Variants in BMPR1B observed in about 807,000 individuals in gnomAD.
The protein encoded by BMPR1B is bone morphogenetic protein receptor type-1B.
In BMPR1B, 12 loss-of-function variants were observed where a neutral mutation model predicts 59.1. That is an observed-to-expected ratio of 0.20 (90% confidence interval 0.13 to 0.33). The LOEUF is 0.33. Among genes scored for constraint, BMPR1B ranks in the 10% least tolerant of loss-of-function variants. BMPR1B has a pLI of 1.00. For missense variants in BMPR1B, 550 were observed against 610.9 expected (o/e 0.90, Z 1.05); for synonymous variants, 237 against 207.3 (o/e 1.14, Z -1.23).
chr4:94,910,124 C>T (rs1414449361), intron 2 of BMPR1B, among the ~76,000 whole-genome samples: 1 of 152,040 alleles, frequency 6.6e-6, no homozygotes, highest in Non-Finnish European at 1.5e-5. Context: ...TGAAGGCTAG[C>T]ACTGGAGCCT....
intron 6 of BMPR1B, among the ~76,000 whole-genome samples, chr4:95,120,701 TTCTCTCTC>T (rs747281517): frequency 2.1e-5 from 3 of 146,032 alleles, no homozygotes; most frequent in Admixed American, 6.8e-5. Flanking sequence ...CTTTCTCTCT[TTCTCTCTC>T]TCTCTCTTTC....
chr4:95,026,101 T>TCTTTCTTTC (rs1724349927), intron 3 of BMPR1B, among the ~76,000 whole-genome samples: 12 of 118,884 alleles, frequency 1.0e-4, no homozygotes, highest in Non-Finnish European at 1.7e-4. Context: ...TTCTTTCATT[T>TCTTTCTTTC]CTTTCTTTCT....
chr4:94,849,810 G>T (rs1290204629), intron 1 of BMPR1B, among the ~76,000 whole-genome samples: 2 of 152,046 alleles, frequency 1.3e-5, no homozygotes, highest in East Asian at 3.9e-4. Flanking sequence ...GTGTGTGTGT[G>T]TGTGTGTGTG....
chr4:95,113,547 G>C (rs1338821830), intron 4 of BMPR1B, among the ~76,000 whole-genome samples: 1 of 152,088 alleles, frequency 6.6e-6, no homozygotes. Flanking sequence ...TGCCATATCT[G>C]TCTTGGACGC....
chr4:94,890,194 A>G (rs1331871597), intron 2 of BMPR1B, among the ~76,000 whole-genome samples: 1 of 152,086 alleles, frequency 6.6e-6, no homozygotes, highest in Non-Finnish European at 1.5e-5. Context: ...GAAGCCTGCT[A>G]GAGGCTTGGA....
intron 3 of BMPR1B, among the ~76,000 whole-genome samples, chr4:95,044,351 G>C (rs1725881426): frequency 6.6e-6 from 1 of 152,166 alleles, no homozygotes; most frequent in East Asian, 1.9e-4. Flanking sequence ...AGTTTGGCAG[G>C]CTCCATGCTG....
chr4:95,002,979 T>A (rs2149111519), intron 3 of BMPR1B, among the ~76,000 whole-genome samples: 1 of 152,110 alleles, frequency 6.6e-6, no homozygotes, highest in African/African-American at 2.4e-5. Flanking sequence ...TTTTCTGGTT[T>A]AGAATGTTCC....
intron 3 of BMPR1B, among the ~76,000 whole-genome samples, chr4:95,075,238 T>G (rs1728614166): frequency 6.6e-6 from 1 of 152,180 alleles, no homozygotes; most frequent in African/African-American, 2.4e-5. Context: ...CACCATCTGT[T>G]CTTCTCAGAG....
intron 10 of BMPR1B, among the ~76,000 whole-genome samples, chr4:95,136,478 A>G (rs1333887781): frequency 6.6e-6 from 1 of 152,202 alleles, no homozygotes; most frequent in African/African-American, 2.4e-5. Context: ...TAGTTTCAGA[A>G]GGCATGGTAC....
At chr4:94,827,504 A>G (rs1335627623) in intron 1 of BMPR1B, among the ~76,000 whole-genome samples, 2 of 152,204 alleles carry the variant, frequency 1.3e-5, no homozygotes, top group East Asian at 1.9e-4. Flanking sequence ...TAAGTATGGA[A>G]TATCTCTAGT....
chr4:94,797,835 G>A (rs185135787), intron 1 of BMPR1B, among the ~76,000 whole-genome samples: 42 of 152,274 alleles, frequency 2.8e-4, no homozygotes, highest in African/African-American at 9.4e-4. Context: ...ATGGGCTAAA[G>A]AATTAGATTG....
intron 6 of BMPR1B, among the ~76,000 whole-genome samples, chr4:95,122,312 G>A (rs1304236497): frequency 1.3e-5 from 2 of 151,174 alleles, no homozygotes; most frequent in East Asian, 1.9e-4. Context: ...CTCCAGCCTC[G>A]GCCACAGAGG....
intron 3 of BMPR1B, among the ~76,000 whole-genome samples, chr4:95,083,290 T>A (rs1729314479): frequency 6.6e-6 from 1 of 152,102 alleles, no homozygotes; most frequent in Non-Finnish European, 1.5e-5. Context: ...GAACTGTCCT[T>A]ATCTGTTCCA....
intron 1 of BMPR1B, among the ~76,000 whole-genome samples, chr4:94,804,620 A>G (rs1376757564): frequency 8.6e-6 from 1 of 116,014 alleles, no homozygotes; most frequent in Non-Finnish European, 1.7e-5. Flanking sequence ...GCCAAGGACC[A>G]TTACCAGGCT....
intron 2 of BMPR1B, among the ~76,000 whole-genome samples, chr4:94,896,529 G>A (rs1346706611): frequency 6.6e-6 from 1 of 151,834 alleles, no homozygotes; most frequent in Non-Finnish European, 1.5e-5. Flanking sequence ...AACTTCTCAA[G>A]CTCAAAACAG....
In BMPR1B at chr4:95,081,056, T is replaced by C. The variant is rs186385342; in HGVS notation, c.-17-23352T>C. On this transcript the variant is annotated intron_variant, in intron 3 of 12. Transcript: ENST00000515059. Reference sequence around the variant, plus strand: ...TGAATAATGGGTGTGGTGATGTTCATGCTGTTCTTGTGATAGTGAGTTCTC... The same window carrying C: ...TGAATAATGGGTGTGGTGATGTTCACGCTGTTCTTGTGATAGTGAGTTCTC... Among the ~76,000 whole-genome samples, 832 of 152,280 alleles carry C rather than the reference T, an allele frequency of 5.5e-3. 10 individuals carry two copies. Among genetic ancestry groups the C allele is most frequent in the African/African-American group, 0.019 (802 of 41,576 alleles).
rs145238279 is a variant in BMPR1B at position 94,826,351 on chromosome 4, A to G, written c.-182-49480A>G. On this transcript the variant is annotated intron_variant, in intron 1 of 12. Transcript: ENST00000515059. ...CAAATGTAGTCATTTGCACACCTGCAGCACTGGGGTCTTCTTTCACCATGT... is the reference window on the plus strand; with the variant it reads ...CAAATGTAGTCATTTGCACACCTGCGGCACTGGGGTCTTCTTTCACCATGT... Among the ~76,000 whole-genome samples, 965 of 149,532 alleles carry G rather than the reference A, an allele frequency of 6.5e-3. 7 individuals carry two copies. The highest frequency in any genetic ancestry group is 0.022 in the African/African-American group (886 of 40,210).
intron 2 of BMPR1B, among the ~76,000 whole-genome samples, chr4:94,962,467 CTT>C (rs1024232394): frequency 6.8e-4 from 104 of 152,142 alleles, no homozygotes; most frequent in African/African-American, 2.2e-3. Context: ...ATCAACATCT[CTT>C]AATTTTTTCT....
chr4:94,985,082 G>C (rs907353758), intron 2 of BMPR1B, among the ~76,000 whole-genome samples: 2 of 152,096 alleles, frequency 1.3e-5, no homozygotes, highest in South Asian at 4.1e-4. Flanking sequence ...GCATAAGGTG[G>C]GATTTCTGTT....
Sources: gnomAD v4.1 joint callset for allele counts (sites outside exome capture counted in the v4.1 genomes callset) on GRCh38, gnomAD v4.1.1 for gene constraint, MANE v1.5 for transcripts, NCBI Gene and HGNC (gene_info 2026-07-23, HGNC 2026-07-21) for gene names.